PLXDC2: variants seen among roughly 807,000 people sequenced by gnomAD.
The protein encoded by PLXDC2 is plexin domain-containing protein 2.
Under a neutral mutation model 68.9 loss-of-function variants are expected in PLXDC2, and 40 were observed. The observed-to-expected ratio is 0.58, with a 90% CI of 0.45 to 0.76. The LOEUF is 0.76. PLXDC2 is among the 30% of genes least tolerant of loss of function. The pLI is 0.00. For missense variants in PLXDC2, 644 were observed against 661.9 expected, an observed-to-expected ratio of 0.97 and a Z score of 0.30; for synonymous variants, 243 against 234.2, an observed-to-expected ratio of 1.04 and a Z score of -0.34.
At chr10:20,238,662 A>AAAATATATATATATGTATATATATATAT (rs1175526348) in intron 12 of PLXDC2, among the ~76,000 whole-genome samples, 106 of 31,634 alleles carry the variant, frequency 3.4e-3, no homozygotes, top group Non-Finnish European at 6.7e-3. Flanking sequence ...TCTCAAAAAA[A>AAAATATATATATATGTATATATATATAT]ATATATATAT....
intron 4 of PLXDC2, among the ~76,000 whole-genome samples, chr10:20,086,517 A>C (rs1323174855): frequency 1.3e-5 from 2 of 151,912 alleles, no homozygotes; most frequent in Admixed American, 6.6e-5. Context: ...TTTAGGAAAT[A>C]AGGGCATTTT....
At chr10:20,271,108 G>A (rs539374439) in intron 13 of PLXDC2, among the ~76,000 whole-genome samples, 11 of 138,338 alleles carry the variant, frequency 8.0e-5, no homozygotes, top group African/African-American at 3.1e-4. Context: ...AATCAGAAAA[G>A]GGGACCGTTT....
chr10:19,839,902 C>A (rs894570588), intron 1 of PLXDC2, among the ~76,000 whole-genome samples: 1 of 152,208 alleles, frequency 6.6e-6, no homozygotes, highest in African/African-American at 2.4e-5. Context: ...TTCTAAATAG[C>A]CATTTAGATC....
In PLXDC2 at chr10:20,046,968, A is replaced by G; in HGVS notation, c.424A>G (p.Lys142Glu). 2 of 1,612,568 alleles carry G rather than the reference A, an allele frequency of 1.2e-6. No individual in the cohort carries two copies. Among genetic ancestry groups the G allele is most frequent in the Non-Finnish European group, 8.5e-7 (1 of 1,179,228 alleles). The change falls in exon 3 of 14, where the codon AAA (lysine) becomes GAA (glutamate). Residue 142 changes from lysine to glutamate, a missense_variant. Coordinates refer to ENST00000377252, the MANE Select transcript of PLXDC2 (RefSeq NM_032812.9). ...GAACATAGACCAAATGGAAAAAGAT[A>G]AAGTGAAGATTCATGGAATATTGTC... is the stretch of plus-strand genomic sequence containing the variant. ...WVNIDQMEKD[K>E]VKIHGILSNT...
At chr10:19,845,860 T>C (rs2131321834) in intron 1 of PLXDC2, among the ~76,000 whole-genome samples, 1 of 152,282 alleles carries the variant, frequency 6.6e-6, no homozygotes, top group East Asian at 1.9e-4. Context: ...TCCCAGGTGT[T>C]ACCATAGTAA....
At chr10:19,834,298 A>G (rs1167532782) in intron 1 of PLXDC2, among the ~76,000 whole-genome samples, 1 of 151,948 alleles carries the variant, frequency 6.6e-6, no homozygotes, top group Non-Finnish European at 1.5e-5. Flanking sequence ...TTAGATCAAG[A>G]ACAGCACAAA....
intron 6 of PLXDC2, among the ~76,000 whole-genome samples, chr10:20,151,170 G>T (rs534287574): frequency 8.5e-5 from 13 of 152,156 alleles, no homozygotes; most frequent in African/African-American, 3.1e-4. Context: ...ATTGTTATTT[G>T]TAAAATTTGT....
At chr10:19,911,110 G>A (rs1833264040) in intron 1 of PLXDC2, among the ~76,000 whole-genome samples, 1 of 151,900 alleles carries the variant, frequency 6.6e-6, no homozygotes, top group African/African-American at 2.4e-5. Flanking sequence ...TTGCTCACCA[G>A]GAAATGGGCT....
At chr10:19,828,390 A>G (rs1183985758) in intron 1 of PLXDC2, among the ~76,000 whole-genome samples, 1 of 152,212 alleles carries the variant, frequency 6.6e-6, no homozygotes, top group African/African-American at 2.4e-5. Context: ...AGGCATTTGC[A>G]AAGGAGAGGG....
chr10:19,894,238 C>T (rs1285588491), intron 1 of PLXDC2, among the ~76,000 whole-genome samples: 2 of 150,366 alleles, frequency 1.3e-5, no homozygotes, highest in Non-Finnish European at 3.0e-5. Context: ...TAAAACAAAA[C>T]AAAACAAACA....
chr10:20,194,925 A>G (rs938615890), intron 9 of PLXDC2, among the ~76,000 whole-genome samples: 2 of 151,888 alleles, frequency 1.3e-5, no homozygotes, highest in African/African-American at 4.8e-5. Context: ...CTTCTACGGA[A>G]AAAGGTGCTT....
At chr10:19,993,403 A>G (rs1197678993) in intron 1 of PLXDC2, among the ~76,000 whole-genome samples, 1 of 152,090 alleles carries the variant, frequency 6.6e-6, no homozygotes, top group African/African-American at 2.4e-5. Flanking sequence ...AAATTAGTTA[A>G]GTGTGTATTT....
intron 1 of PLXDC2, among the ~76,000 whole-genome samples, chr10:19,891,586 C>G (rs1393480554): frequency 6.6e-6 from 1 of 152,216 alleles, no homozygotes; most frequent in Non-Finnish European, 1.5e-5. Flanking sequence ...GTCTCCACCT[C>G]TGCCTCCTCC....
At chr10:20,042,517 C>A (rs1182484405) in intron 2 of PLXDC2, among the ~76,000 whole-genome samples, 1 of 152,118 alleles carries the variant, frequency 6.6e-6, no homozygotes, top group Non-Finnish European at 1.5e-5. Flanking sequence ...TAAGAATTTT[C>A]ATTATGTTTT....
intron 1 of PLXDC2, among the ~76,000 whole-genome samples, chr10:19,827,054 G>A (rs560417090): frequency 2.0e-5 from 3 of 152,264 alleles, no homozygotes; most frequent in East Asian, 3.9e-4. Context: ...GAATGTGAGG[G>A]TAGGAACATC....
In PLXDC2 at chr10:20,147,592, A is replaced by T. The variant is rs532935289; in HGVS notation, c.665-192A>T. Among the ~76,000 whole-genome samples the T allele has an allele frequency of 2.6e-5, 4 of 152,318 alleles. No individual in the cohort carries two copies. In the South Asian group the frequency reaches 6.2e-4, roughly 24 times the overall value. Reference sequence around the variant, plus strand: ...AGGTTCTATTTTACTAAATATTTAGAGAGTACTCAATCCTTTAAAAAAAAT... The same window carrying T: ...AGGTTCTATTTTACTAAATATTTAGTGAGTACTCAATCCTTTAAAAAAAAT... On this transcript the variant is annotated intron_variant, in intron 5 of 13. Coordinates refer to ENST00000377252, the MANE Select transcript of PLXDC2 (RefSeq NM_032812.9).
intron 1 of PLXDC2, among the ~76,000 whole-genome samples, chr10:19,877,331 A>G (rs1432401314): frequency 6.6e-6 from 1 of 152,172 alleles, no homozygotes; most frequent in East Asian, 1.9e-4. Context: ...CATTATTTCT[A>G]TTAGTTTGTA....
chr10:20,104,697 A>G (rs75791030), intron 4 of PLXDC2, among the ~76,000 whole-genome samples: 6,123 of 151,550 alleles, frequency 0.04, 161 homozygotes, highest in South Asian at 0.068. Context: ...ATGGGGGGAG[A>G]AAACACATTT....
chr10:20,195,508 A>G (rs917396588), intron 9 of PLXDC2, among the ~76,000 whole-genome samples: 1 of 152,096 alleles, frequency 6.6e-6, no homozygotes, highest in Admixed American at 6.6e-5. Flanking sequence ...GGGGGCAATG[A>G]TAATGGTCTT....
Sources: gnomAD v4.1 joint callset for allele counts (sites outside exome capture counted in the v4.1 genomes callset) on GRCh38, gnomAD v4.1.1 for gene constraint, MANE v1.5 for transcripts, NCBI Gene and HGNC (gene_info 2026-07-23, HGNC 2026-07-21) for gene names.